Variants in RNF144A observed in about 807,000 individuals in gnomAD.
RNF144A encodes the protein E3 ubiquitin-protein ligase RNF144A.
Under a neutral mutation model 38.7 loss-of-function variants are expected in RNF144A, and 11 were observed. That is an observed-to-expected ratio of 0.28 (90% confidence interval 0.18 to 0.47). The LOEUF (loss-of-function observed/expected upper bound fraction) is 0.47, where lower values mean the gene tolerates loss of function less well. Ranked by LOEUF, RNF144A falls within the 20% of genes least tolerant of loss-of-function variation. The probability of loss-of-function intolerance (pLI) is 0.99; values close to 1 mark genes in which losing one functional copy is unlikely to be tolerated. For missense variants in RNF144A, 316 were observed against 377.2 expected, an observed-to-expected ratio of 0.84 and a Z score of 1.34; for synonymous variants, 149 against 143.9, an observed-to-expected ratio of 1.04 and a Z score of -0.25.
chr2:6,985,182 A>G (rs1409771482), intron 2 of RNF144A, among the ~76,000 whole-genome samples: 2 of 152,104 alleles, frequency 1.3e-5, no homozygotes, highest in Admixed American at 1.3e-4. Flanking sequence ...ATACTGATAA[A>G]TGAAAGGTGA....
At chr2:6,984,827 C>G (rs1668850869) in intron 2 of RNF144A, among the ~76,000 whole-genome samples, 1 of 152,154 alleles carries the variant, frequency 6.6e-6, no homozygotes, top group Non-Finnish European at 1.5e-5. Flanking sequence ...CTCTAGCACC[C>G]AAGGCCAGGA....
intron 3 of RNF144A, among the ~76,000 whole-genome samples, chr2:6,998,069 A>C (rs1183760498): frequency 2.0e-5 from 3 of 152,234 alleles, no homozygotes; most frequent in African/African-American, 7.2e-5. Flanking sequence ...CTTGAAGTAT[A>C]AAATGGACAG....
chr2:6,930,561 A>G (rs544021996), intron 1 of RNF144A, among the ~76,000 whole-genome samples: 2 of 152,020 alleles, frequency 1.3e-5, no homozygotes, highest in African/African-American at 4.8e-5. Context: ...CACTTTATCT[A>G]TCTGTATATA....
In RNF144A at chr2:6,917,677, G is replaced by C. The variant is rs1664209646; in HGVS notation, c.-212+55G>C. 1 of 147,910 alleles carries C rather than the reference G, an allele frequency of 6.8e-6. No homozygotes were observed. Among genetic ancestry groups the C allele is most frequent in the Non-Finnish European group, 1.5e-5 (1 of 66,440 alleles). 9.2% of individuals were successfully genotyped at this position (147,910 alleles called of 1,614,324 possible). On this transcript the variant is annotated intron_variant, in intron 1 of 8. Coordinates refer to ENST00000320892, the MANE Select transcript of RNF144A (RefSeq NM_014746.6). This position sits in a 1 kb window ranked among gnomAD's most constrained non-coding sequence, Gnocchi z 4.8. ...GCATCGCCCGGGCCGGCCGCGGAGC[G>C]GGGAGGGCGGGACGCGGCGCTGCGC...
chr2:6,917,987 A>C lies in RNF144A; in HGVS notation c.-212+365A>C, dbSNP rs984739613. 3.3e-5 allele frequency among the ~76,000 whole-genome samples: 5 copies of C among 151,280 alleles called. No individual in the cohort carries two copies. The highest frequency in any genetic ancestry group is 5.9e-5 in the Non-Finnish European group (4 of 67,728). On this transcript the variant is annotated intron_variant, in intron 1 of 8. Transcript: ENST00000320892. This position sits in a 1 kb window ranked among gnomAD's most constrained non-coding sequence, Gnocchi z 4.8. ...TCGCGGGTCTGCGCTGCGGCGCGGG[A>C]CAGGGCGCCCCGGGCCAGGGTCCCG...
In RNF144A at chr2:6,935,939, C is replaced by T. The variant is rs542633896; in HGVS notation, c.-211-5009C>T. ...AAGCGTCTTTGACTTCTTTCTTTCC[C>T]TCCCTCATTCCCTGCCTCCCTTCCT... On this transcript the variant is annotated intron_variant, in intron 1 of 8. Transcript: ENST00000320892. Among the ~76,000 whole-genome samples the T allele has an allele frequency of 1.2e-3, 185 of 152,372 alleles. 1 individual carries two copies. Among genetic ancestry groups the T allele is most frequent in the African/African-American group, 4.3e-3 (180 of 41,580 alleles).
chr2:6,983,360 A>G (rs565320711), intron 2 of RNF144A, among the ~76,000 whole-genome samples: 6 of 152,180 alleles, frequency 3.9e-5, no homozygotes, highest in Middle Eastern at 3.4e-3. Flanking sequence ...GGGACTGTGG[A>G]TCTCTATGAG....
chr2:6,979,353 C>T (rs1308860720), intron 2 of RNF144A, among the ~76,000 whole-genome samples: 1 of 152,104 alleles, frequency 6.6e-6, no homozygotes, highest in Admixed American at 6.6e-5. Context: ...GTGAGGGAGG[C>T]AGAGGTGCCT....
rs1188706486 is a variant in RNF144A, at chr2:7,040,108, A to T, written c.*348A>T. ...AGACTTTCTGCTCCTTGGCTTCTAG[A>T]TGGCACCATGTTGTCAGAGAAGTCT... On this transcript the variant is annotated 3_prime_UTR_variant, in exon 9 of 9. Transcript: ENST00000320892. 1.1e-5 allele frequency: 11 copies of T among 1,027,352 alleles called. No individual in the cohort carries two copies. Among genetic ancestry groups the T allele is most frequent in the African/African-American group, 1.7e-5 (1 of 58,534 alleles). 63.6% of individuals were successfully genotyped at this position (1,027,352 alleles called of 1,614,324 possible).
chr2:6,953,312 C>G (rs1666803144), intron 2 of RNF144A, among the ~76,000 whole-genome samples: 1 of 151,944 alleles, frequency 6.6e-6, no homozygotes, highest in Non-Finnish European at 1.5e-5. Context: ...GCCTGTAATC[C>G]CAGCTACTCG....
At chr2:7,010,982 C>T (rs1401053488) in intron 3 of RNF144A, among the ~76,000 whole-genome samples, 2 of 152,114 alleles carry the variant, frequency 1.3e-5, no homozygotes, top group African/African-American at 4.8e-5. Flanking sequence ...ATTGCATTTG[C>T]AGCAGCATGA....
chr2:6,967,928 A>G (rs2103341249), intron 2 of RNF144A, among the ~76,000 whole-genome samples: 1 of 152,296 alleles, frequency 6.6e-6, no homozygotes, highest in Middle Eastern at 3.4e-3. Context: ...TGACTTTGGA[A>G]CTCCTGTTTC....
chr2:7,005,850 G>A (rs1235402031), intron 3 of RNF144A, among the ~76,000 whole-genome samples: 1 of 151,912 alleles, frequency 6.6e-6, no homozygotes, highest in Non-Finnish European at 1.5e-5. Flanking sequence ...GAAGGGGCCT[G>A]CCCTGGAGTG....
intron 6 of RNF144A, among the ~76,000 whole-genome samples, chr2:7,061,904 C>T (rs1486535248): frequency 6.6e-6 from 1 of 152,086 alleles, no homozygotes; most frequent in Non-Finnish European, 1.5e-5. Context: ...TCCCATTTTA[C>T]TCTGATACAC....
At chr2:7,027,885 G>A (rs1220659982) in intron 7 of RNF144A, among the ~76,000 whole-genome samples, 1 of 151,078 alleles carries the variant, frequency 6.6e-6, no homozygotes, top group Admixed American at 6.6e-5. Context: ...TAAGAAAAGT[G>A]CTTTTTAAAT....
rs928033321 is a variant in RNF144A at position 6,944,828 on chromosome 2, A to G, written c.-12+3681A>G. ...AGAACTGTGAAATGGCTTCATATTC[A>G]CAAAAGAGTCATGGTGAAGTGGCCA... On this transcript the variant is annotated intron_variant, in intron 2 of 8. Coordinates refer to ENST00000320892, the MANE Select transcript of RNF144A (RefSeq NM_014746.6). This position sits in a 1 kb window ranked among gnomAD's most constrained non-coding sequence, Gnocchi z 4.7. 4.0e-4 allele frequency among the ~76,000 whole-genome samples: 61 copies of G among 152,210 alleles called. No homozygotes were observed. Among genetic ancestry groups the G allele is most frequent in the Admixed American group, 5.9e-4 (9 of 15,280 alleles).
the RNF144A span, among the ~76,000 whole-genome samples, chr2:7,074,309 C>A: frequency 6.6e-6 from 1 of 152,174 alleles, no homozygotes. Context: ...CCCATTTACC[C>A]ACCTTCCAGC....
At chr2:6,949,320 C>G (rs1205263002) in intron 2 of RNF144A, among the ~76,000 whole-genome samples, 1 of 151,648 alleles carries the variant, frequency 6.6e-6, no homozygotes, top group Non-Finnish European at 1.5e-5. Context: ...AAAAAAAAAT[C>G]ACATTTCAGA....
chr2:7,051,663 T>G (rs1572483363), intron 6 of RNF144A, among the ~76,000 whole-genome samples: 4 of 152,032 alleles, frequency 2.6e-5, no homozygotes. Flanking sequence ...CCAAGGCGGG[T>G]GGATGACCTG....
Sources: allele counts gnomAD v4.1 joint callset (sites outside exome capture counted in the v4.1 genomes callset), GRCh38; gene constraint gnomAD v4.1.1; non-coding constraint Gnocchi (gnomAD v3.1); transcripts MANE v1.5; gene names NCBI Gene and HGNC (gene_info 2026-07-23, HGNC 2026-07-21).